Variants in NTM observed in about 807,000 individuals in gnomAD.
NTM encodes the protein neurotrimin, also known as IgLON family member 2.
In NTM, 13 loss-of-function variants were observed where a neutral mutation model predicts 42.1. The ratio of observed to expected loss-of-function variants is 0.31; its 90% CI spans 0.20 to 0.49. NTM has a LOEUF of 0.49. Among genes scored for constraint, NTM ranks in the 20% least tolerant of loss-of-function variants. The pLI is 0.99. For missense variants in NTM, 373 were observed against 452.8 expected (o/e 0.82, Z 1.60); for synonymous variants, 187 against 179.2 (o/e 1.04, Z -0.35).
intron 2 of NTM, among the ~76,000 whole-genome samples, chr11:132,040,521 C>A (rs1224889503): frequency 1.3e-5 from 2 of 151,926 alleles, no homozygotes; most frequent in African/African-American, 4.9e-5. Flanking sequence ...AGGAACAGCC[C>A]CATGACAAAA....
chr11:131,643,297 G>T (rs192216459), intron 1 of NTM, among the ~76,000 whole-genome samples: 89 of 152,354 alleles, frequency 5.8e-4, no homozygotes, highest in Non-Finnish European at 1.1e-3. Flanking sequence ...CACTTTCCAT[G>T]TGCCTGCTTT....
intron 1 of NTM, among the ~76,000 whole-genome samples, chr11:131,789,828 A>T (rs112066160): frequency 4.5e-4 from 67 of 150,166 alleles, no homozygotes; most frequent in Non-Finnish European, 7.6e-4. Context: ...TGGTGGCGGG[A>T]GCCTGTAGTC....
intron 1 of NTM, among the ~76,000 whole-genome samples, chr11:131,479,261 G>A (rs1192596233): frequency 6.6e-6 from 1 of 152,210 alleles, no homozygotes; most frequent in Non-Finnish European, 1.5e-5. Flanking sequence ...AATGGAAAAT[G>A]TGCTAATAGA....
chr11:131,476,446 C>A (rs948995660), intron 1 of NTM, among the ~76,000 whole-genome samples: 7 of 152,186 alleles, frequency 4.6e-5, no homozygotes, highest in African/African-American at 1.7e-4. Flanking sequence ...GGCCAGCCAT[C>A]TGTTACTTGT....
intron 4 of NTM, among the ~76,000 whole-genome samples, chr11:132,251,985 G>A (rs553558565): frequency 7.2e-5 from 11 of 152,218 alleles, no homozygotes; most frequent in East Asian, 5.8e-4. Context: ...CTGCCTTTCC[G>A]CCCAGACAGA....
intron 2 of NTM, among the ~76,000 whole-genome samples, chr11:132,010,072 A>G (rs1180210752): frequency 6.6e-6 from 1 of 152,232 alleles, no homozygotes; most frequent in African/African-American, 2.4e-5. Flanking sequence ...AGAGATCAAT[A>G]CAGATAATTT....
chr11:131,860,673 G>T (rs1053445881), intron 1 of NTM, among the ~76,000 whole-genome samples: 2 of 152,176 alleles, frequency 1.3e-5, no homozygotes, highest in South Asian at 4.1e-4. Flanking sequence ...CAAGTTTTCT[G>T]GTGCCAGCCA....
chr11:132,036,781 A>G (rs2076561599), intron 2 of NTM, among the ~76,000 whole-genome samples: 1 of 152,126 alleles, frequency 6.6e-6, no homozygotes, highest in African/African-American at 2.4e-5. Flanking sequence ...TGTTTTTATT[A>G]ATTAAGAATT....
At chr11:131,419,572 T>A (rs1446763486) in intron 1 of NTM, among the ~76,000 whole-genome samples, 1 of 151,964 alleles carries the variant, frequency 6.6e-6, no homozygotes, top group Non-Finnish European at 1.5e-5. Context: ...GCTCAGCATG[T>A]TTCAAGGGAC....
At chr11:131,935,933 A>C (rs944137339) in intron 2 of NTM, among the ~76,000 whole-genome samples, 1 of 152,176 alleles carries the variant, frequency 6.6e-6, no homozygotes, top group Non-Finnish European at 1.5e-5. Context: ...TTAAATCAGC[A>C]TTAAAGTACC....
chr11:131,805,563 T>A (rs2092434531), intron 1 of NTM, among the ~76,000 whole-genome samples: 1 of 152,238 alleles, frequency 6.6e-6, no homozygotes, highest in African/African-American at 2.4e-5. Context: ...ACTCTAATAA[T>A]AAAACTCATC....
At chr11:132,016,842 G>T (rs754727401) in intron 2 of NTM, among the ~76,000 whole-genome samples, 67 of 151,890 alleles carry the variant, frequency 4.4e-4, no homozygotes, top group Non-Finnish European at 5.7e-4. Context: ...CCATTCTAGT[G>T]GATATACAAT....
intron 2 of NTM, among the ~76,000 whole-genome samples, chr11:131,999,127 G>A (rs748407962): frequency 2.6e-5 from 4 of 152,004 alleles, no homozygotes; most frequent in Non-Finnish European, 4.4e-5. Context: ...CTCTTCCTTC[G>A]CAGGTGGAGA....
intron 1 of NTM, among the ~76,000 whole-genome samples, chr11:131,475,097 C>T (rs943417635): frequency 6.6e-6 from 1 of 152,168 alleles, no homozygotes; most frequent in Non-Finnish European, 1.5e-5. Flanking sequence ...CTTCCTCTTT[C>T]CTCCACCATC....
chr11:132,211,551 G>A (rs766138499), intron 3 of NTM, among the ~76,000 whole-genome samples: 2 of 152,242 alleles, frequency 1.3e-5, no homozygotes, highest in Admixed American at 6.5e-5. Flanking sequence ...TGGAAAGGTG[G>A]GCTGATGCTT....
At chr11:131,655,614 C>T (rs1471592976) in intron 1 of NTM, among the ~76,000 whole-genome samples, 1 of 152,174 alleles carries the variant, frequency 6.6e-6, no homozygotes, top group African/African-American at 2.4e-5. Flanking sequence ...GCTGGGACCA[C>T]AGCCCCTGCC....
chr11:132,158,524 A>G (rs1170749868), intron 3 of NTM, among the ~76,000 whole-genome samples: 1 of 152,120 alleles, frequency 6.6e-6, no homozygotes, highest in African/African-American at 2.4e-5. Context: ...CCCCTCTAGA[A>G]CATGTGTGCC....
intron 2 of NTM, among the ~76,000 whole-genome samples, chr11:131,917,154 G>C (rs1156722713): frequency 6.6e-6 from 1 of 152,224 alleles, no homozygotes. Flanking sequence ...CTTGAGAAGA[G>C]ATATGCTCTG....
At chr11:131,688,397 T>C (rs914954135) in intron 1 of NTM, among the ~76,000 whole-genome samples, 30 of 152,386 alleles carry the variant, frequency 2.0e-4, no homozygotes, top group African/African-American at 6.7e-4. Context: ...TAATGGTTAC[T>C]TTGAAAGTCC....
Sources: allele counts gnomAD v4.1 joint callset (sites outside exome capture counted in the v4.1 genomes callset), GRCh38; gene constraint gnomAD v4.1.1; transcripts MANE v1.5; gene names NCBI Gene and HGNC (gene_info 2026-07-23, HGNC 2026-07-21).